Variants in CDK5RAP1 observed in about 807,000 individuals in gnomAD.
The protein encoded by CDK5RAP1 is mitochondrial tRNA methylthiotransferase CDK5RAP1.
A neutral mutation model predicts 64.5 loss-of-function variants in CDK5RAP1; 62 were observed. That is an observed-to-expected ratio of 0.96 (90% CI 0.78 to 1.19). CDK5RAP1 has a LOEUF of 1.19. Among genes scored for constraint, CDK5RAP1 ranks in the 50% most tolerant of loss-of-function variants. The probability of loss-of-function intolerance (pLI) is 0.00; values close to 1 mark genes in which losing one functional copy is unlikely to be tolerated. For missense variants in CDK5RAP1, 657 were observed against 735.0 expected (o/e 0.89, Z 1.23); for synonymous variants, 250 against 261.9 (o/e 0.95, Z 0.44).
chr20:33,364,821 G>C (rs1051264193), intron 12 of CDK5RAP1, among the ~76,000 whole-genome samples: 3 of 151,502 alleles, frequency 2.0e-5, no homozygotes, highest in Non-Finnish European at 4.4e-5. Flanking sequence ...TGATCCACCC[G>C]CCTCGGCCTT....
At chr20:33,375,389 G>A (rs576714986) in intron 8 of CDK5RAP1, among the ~76,000 whole-genome samples, 18 of 140,096 alleles carry the variant, frequency 1.3e-4, no homozygotes, top group Non-Finnish European at 2.4e-4. Flanking sequence ...GTGACAGAGC[G>A]AGACTCCATC....
chr20:33,373,156 G>GTGTGTGTGTC (rs1196506225), intron 9 of CDK5RAP1: 1 of 164,936 alleles, frequency 6.1e-6, no homozygotes, highest in African/African-American at 2.4e-5. Flanking sequence ...GCCCGTGTGT[G>GTGTGTGTGTC]TGTGTGTGTG....
rs1182508899 is a variant in CDK5RAP1 at position 33,387,537 on chromosome 20, G to A, written c.545-4C>T. 1.2e-6 allele frequency: 2 copies of A among 1,612,638 alleles called. No homozygotes were observed. ...TTCAACCTCTCAGCCATGCAGCCTG[G>A]AAGGGAAAAAGAAACAAGCACCTTT... On this transcript the variant is annotated splice_region_variant and splice_polypyrimidine_tract_variant and intron_variant, in intron 5 of 13. Transcript: ENST00000346416.
At position 33,365,601 on chromosome 20, in the gene CDK5RAP1, A is replaced by T. The variant is rs903633135; in HGVS notation, c.1542+1258T>A. On this transcript the variant is annotated intron_variant, in intron 12 of 13. Coordinates refer to ENST00000346416, the MANE Select transcript of CDK5RAP1 (RefSeq NM_016408.4). ...TGTTTAAAATTCTCTATAATGTAAA[A>T]AAAAAAAAAAAAAAAAAAAAAAAGG... Among the ~76,000 whole-genome samples the T allele has an allele frequency of 5.9e-3, 819 of 139,990 alleles. 8 individuals carry two copies. The highest frequency in any genetic ancestry group is 0.021 in the African/African-American group (769 of 36,004). The allele number at this position is 139,990 out of a possible 152,430, so 91.8% of individuals were successfully genotyped here. A position where few individuals can be genotyped will look rare whatever the true frequency, so the allele number is the denominator to read the frequency against.
intron 9 of CDK5RAP1, chr20:33,372,913 C>CTT (rs11291803): frequency 8.3e-4 from 168 of 201,524 alleles, no homozygotes; most frequent in East Asian, 1.5e-3. Flanking sequence ...AGGACATAAA[C>CTT]TTTTTTTTTT....
chr20:33,400,708 A>G (rs1989326355), intron 1 of CDK5RAP1, among the ~76,000 whole-genome samples: 2 of 152,062 alleles, frequency 1.3e-5, no homozygotes, highest in African/African-American at 4.8e-5. Context: ...CTAGCTACCC[A>G]GGAGGCTGAG....
At position 33,367,875 on chromosome 20, in the gene CDK5RAP1, GT is replaced by G. The variant is rs1479985511; in HGVS notation, c.1393-868del. On this transcript the variant is annotated intron_variant, in intron 11 of 13. Transcript: ENST00000346416. Reference sequence around the variant, plus strand: ...ATAAAAGGAATATCTATATACCAAAGTTTGGACATTCAAACCAATCTACCTT... The same window carrying G: ...ATAAAAGGAATATCTATATACCAAAGTTGGACATTCAAACCAATCTACCTT... Among the ~76,000 whole-genome samples the G allele has an allele frequency of 8.5e-5, 13 of 152,308 alleles. No homozygotes were observed. In the South Asian group the frequency reaches 2.7e-3, roughly 32 times the overall value.
intron 11 of CDK5RAP1, among the ~76,000 whole-genome samples, chr20:33,367,642 A>C (rs572784639): frequency 6.6e-6 from 1 of 152,340 alleles, no homozygotes; most frequent in Non-Finnish European, 1.5e-5. Context: ...AAAACTAGGC[A>C]ACCTGGGAAG....
At chr20:33,374,017 G>C in intron 9 of CDK5RAP1, 98 bp downstream of exon 9, 1 of 814,484 alleles carries the variant, frequency 1.2e-6, no homozygotes, top group South Asian at 1.5e-5. Flanking sequence ...GCTACTTTGT[G>C]CCACACACTA....
rs1982390719 is a variant in CDK5RAP1 at position 33,358,868 on chromosome 20, T to A, written c.*175A>T. On this transcript the variant is annotated 3_prime_UTR_variant, in exon 14 of 14. Transcript: ENST00000346416. ...CCTTAGTTTAGGTAAATTTAATGAC[T>A]GTAAAAGCTGTTCACATAGCAGCTT... The A allele has an allele frequency of 1.7e-6, 1 of 584,018 alleles. No homozygotes were observed. The highest frequency in any genetic ancestry group is 3.0e-6 in the Non-Finnish European group (1 of 328,248). 36.2% of individuals were successfully genotyped at this position (584,018 alleles called of 1,614,324 possible). A position where few individuals can be genotyped will look rare whatever the true frequency, so the allele number is the denominator to read the frequency against.
chr20:33,361,812 C>T (rs556969388), intron 12 of CDK5RAP1, among the ~76,000 whole-genome samples: 42 of 151,780 alleles, frequency 2.8e-4, no homozygotes, highest in Non-Finnish European at 5.0e-4. Context: ...AAAAATTAGC[C>T]GGGTGTGGTG....
chr20:33,389,937 A>AT (rs34440890), intron 5 of CDK5RAP1, among the ~76,000 whole-genome samples: 89,333 of 145,110 alleles, frequency 0.62, 27,631 homozygotes, highest in South Asian at 0.68. Flanking sequence ...ACACAATGGA[A>AT]TTTTTTTTTT....
At chr20:33,361,593 T>C (rs142052724) in intron 12 of CDK5RAP1, among the ~76,000 whole-genome samples, 37 of 152,292 alleles carry the variant, frequency 2.4e-4, no homozygotes, top group Non-Finnish European at 4.0e-4. Context: ...TTCCTTGGGA[T>C]ATATTCACTA....
At chr20:33,384,270 G>A (rs1987139545) in intron 7 of CDK5RAP1, among the ~76,000 whole-genome samples, 3 of 152,132 alleles carry the variant, frequency 2.0e-5, no homozygotes, top group South Asian at 2.1e-4. Context: ...CAAGTCTATG[G>A]CCTTGAATTC....
At chr20:33,362,420 A>C (rs986393302) in intron 12 of CDK5RAP1, among the ~76,000 whole-genome samples, 48 of 152,346 alleles carry the variant, frequency 3.2e-4, no homozygotes, top group African/African-American at 1.1e-3. Context: ...AGGTGAAATA[A>C]AGATCTTTTC....
At chr20:33,361,000 G>A (rs562584135) in intron 12 of CDK5RAP1, among the ~76,000 whole-genome samples, 2 of 152,308 alleles carry the variant, frequency 1.3e-5, no homozygotes, top group Middle Eastern at 3.4e-3. Flanking sequence ...TAGAGTCTAC[G>A]GAAACCCTTC....
At chr20:33,398,036 C>T (rs1457149298) in intron 1 of CDK5RAP1, among the ~76,000 whole-genome samples, 1 of 152,100 alleles carries the variant, frequency 6.6e-6, no homozygotes, top group East Asian at 1.9e-4. Context: ...TCAAACTTTC[C>T]ACCCAGACCC....
intron 2 of CDK5RAP1, among the ~76,000 whole-genome samples, chr20:33,396,479 T>C (rs1988901999): frequency 6.6e-6 from 1 of 152,212 alleles, no homozygotes; most frequent in African/African-American, 2.4e-5. Context: ...TTTTTATTTT[T>C]TGTAGAGACA....
Position 33,366,931 on chromosome 20 carries a change from A to G in CDK5RAP1, c.1470T>C (p.Thr490=), listed in dbSNP as rs943902694. 2 of 1,613,872 alleles carry G rather than the reference A, an allele frequency of 1.2e-6. No homozygotes were observed. The highest frequency in any genetic ancestry group is 1.7e-5 in the Admixed American group (1 of 59,992). The part of the protein sequence containing the change: ...VKLRRLEELI[T]IFREEATKAN... Reference sequence around the variant, plus strand: ...CTTTTGTTGCTTCTTCTCGGAAGATAGTGATGAGTTCCTCCAAACGCCTTA... The same window carrying G: ...CTTTTGTTGCTTCTTCTCGGAAGATGGTGATGAGTTCCTCCAAACGCCTTA... Residue 490 remains threonine (T), a synonymous_variant, in exon 12 of 14, where the codon ACT becomes ACC. Transcript: ENST00000346416.
Sources: allele counts gnomAD v4.1 joint callset (sites outside exome capture counted in the v4.1 genomes callset), GRCh38; gene constraint gnomAD v4.1.1; transcripts MANE v1.5; gene names NCBI Gene and HGNC (gene_info 2026-07-23, HGNC 2026-07-21).